The following RAP1GAP2 variants were observed in gnomAD, a reference collection of about 807,000 sequenced individuals.
RAP1GAP2 encodes RAP1 GTPase activating protein 2.
A neutral mutation model predicts 95.0 loss-of-function variants in RAP1GAP2; 27 were observed. That is an observed-to-expected ratio of 0.28 (90% CI 0.21 to 0.39). The LOEUF (loss-of-function observed/expected upper bound fraction) is 0.39. RAP1GAP2 is among the 10% of genes least tolerant of loss of function. RAP1GAP2 has a pLI of 1.00. For missense variants in RAP1GAP2, 771 were observed against 970.0 expected (o/e 0.79, Z 2.72); for synonymous variants, 373 against 380.9 (o/e 0.98, Z 0.24).
chr17:3,021,371 A>C (rs1319281389), intron 19 of RAP1GAP2, among the ~76,000 whole-genome samples: 1 of 135,224 alleles, frequency 7.4e-6, no homozygotes, highest in African/African-American at 2.8e-5. Flanking sequence ...TCAACTTTCT[A>C]TCTCCACGAG....
intron 3 of RAP1GAP2, among the ~76,000 whole-genome samples, chr17:2,946,158 A>G (rs767016487): frequency 6.6e-6 from 1 of 152,216 alleles, no homozygotes; most frequent in Non-Finnish European, 1.5e-5. Context: ...TGGTCATGGA[A>G]TATAACAGTA....
Position 3,004,258 on chromosome 17 carries a change from G to T in RAP1GAP2, c.1201-1111G>T, listed in dbSNP as rs578159325. ...TTCCTGACTCGGGGCACTGCAGTTT[G>T]GGCTGGGCAGACAGCCTGGAGCTTG... On this transcript the variant is annotated intron_variant, in intron 14 of 24. Transcript: ENST00000254695. The surrounding 1 kb of genome is among the most constrained non-coding windows in gnomAD (Gnocchi z 4.1). Among the ~76,000 whole-genome samples, 2 of 152,362 alleles carry T rather than the reference G, an allele frequency of 1.3e-5. No homozygotes were observed. Among genetic ancestry groups the T allele is most frequent in the African/African-American group, 4.8e-5 (2 of 41,598 alleles).
intron 2 of RAP1GAP2, among the ~76,000 whole-genome samples, chr17:2,853,490 G>C (rs1390154060): frequency 2.0e-5 from 3 of 151,144 alleles, no homozygotes; most frequent in Non-Finnish European, 3.0e-5. Context: ...GCGGGAGTGC[G>C]GGCGGGGACC....
At chr17:2,953,915 C>A (rs1411904257) in intron 3 of RAP1GAP2, among the ~76,000 whole-genome samples, 1 of 152,172 alleles carries the variant, frequency 6.6e-6, no homozygotes, top group East Asian at 1.9e-4. Flanking sequence ...AGCTGTGTAA[C>A]CACCATCATA....
chr17:2,782,226 G>A (rs976313270), intron 1 of RAP1GAP2, among the ~76,000 whole-genome samples: 1 of 152,180 alleles, frequency 6.6e-6, no homozygotes, highest in African/African-American at 2.4e-5. Context: ...CTGTGTGGGC[G>A]TCCACTGCCT....
At position 2,917,173 on chromosome 17, in the gene RAP1GAP2, GTTC is replaced by G. The variant is rs374666097; in HGVS notation, c.165+11811_165+11813del. On this transcript the variant is annotated intron_variant, in intron 3 of 24. Coordinates refer to ENST00000254695, the MANE Select transcript of RAP1GAP2 (RefSeq NM_015085.5). Reference sequence around the variant, plus strand: ...CGACCTGGTCCTGGACCCCTCTGAGGTTCTTCTTAAGAAGTTGAAGCAATAGAG... The same window carrying G: ...CGACCTGGTCCTGGACCCCTCTGAGGTTCTTAAGAAGTTGAAGCAATAGAG... Among the ~76,000 whole-genome samples, 807 of 152,316 alleles carry G rather than the reference GTTC, an allele frequency of 5.3e-3. 5 individuals are homozygous for G. The highest frequency in any genetic ancestry group is 7.5e-3 in the Non-Finnish European group (508 of 68,034).
At chr17:2,784,474 T>C (rs2151453009) in intron 1 of RAP1GAP2, among the ~76,000 whole-genome samples, 1 of 152,124 alleles carries the variant, frequency 6.6e-6, no homozygotes, top group African/African-American at 2.4e-5. Context: ...TCTTGCCATG[T>C]TAGCCAGGCT....
rs34075979 is a variant in RAP1GAP2, at chr17:2,990,845, C to CT, written c.814-435dup. ...TTTAGAGTTTTCAGAGTTCTTTATT[C>CT]TTTTTTTTTTTTTTTTTGAGACGGG... On this transcript the variant is annotated intron_variant, in intron 11 of 24. Transcript: ENST00000254695. Among the ~76,000 whole-genome samples, 328 of 128,730 alleles carry CT rather than the reference C, an allele frequency of 2.5e-3. 1 individual carries two copies. Among genetic ancestry groups the CT allele is most frequent in the South Asian group, 0.013 (48 of 3,818 alleles). The allele number at this position is 128,730 out of a possible 152,430, so 84.5% of individuals were successfully genotyped here.
At chr17:2,875,598 T>C (rs916603919) in intron 2 of RAP1GAP2, among the ~76,000 whole-genome samples, 31 of 152,174 alleles carry the variant, frequency 2.0e-4, no homozygotes, top group Admixed American at 3.9e-4. Flanking sequence ...GGGACCGCTG[T>C]TGCTTTTCAG....
intron 2 of RAP1GAP2, among the ~76,000 whole-genome samples, chr17:2,821,270 T>C (rs193187020): frequency 1.7e-4 from 26 of 152,138 alleles, no homozygotes; most frequent in African/African-American, 5.8e-4. Flanking sequence ...AAATAGTACA[T>C]GCTCACTGTA....
chr17:2,794,629 C>T (rs1435051945), upstream of RAP1GAP2, among the ~76,000 whole-genome samples: 1 of 152,218 alleles, frequency 6.6e-6, no homozygotes, highest in African/African-American at 2.4e-5. Context: ...TGCTCTGGCC[C>T]AGGACCCTGA....
In RAP1GAP2 at chr17:2,817,090, C is replaced by T. The variant is rs1335230127; in HGVS notation, c.80+16540C>T. ...GCAGCCTCCACTTCCCAGGCTCAAG[C>T]GTTTCTCGTGCCTCAGCCTCCTATG... On this transcript the variant is annotated intron_variant, in intron 2 of 24. Transcript: ENST00000254695. 3.6e-5 allele frequency among the ~76,000 whole-genome samples: 4 copies of T among 109,660 alleles called. 1 individual carries two copies. Among genetic ancestry groups the T allele is most frequent in the South Asian group, 2.9e-4 (1 of 3,460 alleles). 71.9% of individuals were successfully genotyped at this position (109,660 alleles called of 152,430 possible). A position where few individuals can be genotyped will look rare whatever the true frequency, so the allele number is the denominator to read the frequency against.
chr17:2,814,652 G>C (rs1376076071), intron 2 of RAP1GAP2, among the ~76,000 whole-genome samples: 1 of 152,078 alleles, frequency 6.6e-6, no homozygotes, highest in African/African-American at 2.4e-5. Flanking sequence ...CTGTCTCACT[G>C]TTTGTTACCC....
chr17:2,864,997 C>G (rs1311978879), intron 2 of RAP1GAP2, among the ~76,000 whole-genome samples: 1 of 152,202 alleles, frequency 6.6e-6, no homozygotes, highest in Non-Finnish European at 1.5e-5. Flanking sequence ...CTCTGCATGA[C>G]ACTGATGATC....
rs184924497 is a variant in RAP1GAP2, at chr17:2,867,120, C to T, written c.81-38164C>T. ...TTCACCATGTTGGCCAGGCTGGTCT[C>T]GAACTCCTGGTGTCGTGATTCCCCT... On this transcript the variant is annotated intron_variant, in intron 2 of 24. Coordinates refer to ENST00000254695, the MANE Select transcript of RAP1GAP2 (RefSeq NM_015085.5). This position sits in a 1 kb window ranked among gnomAD's most constrained non-coding sequence, Gnocchi z 4.5. 1.0e-3 allele frequency among the ~76,000 whole-genome samples: 159 copies of T among 151,644 alleles called. 1 individual carries two copies. The highest frequency in any genetic ancestry group is 4.4e-4 in the Non-Finnish European group (30 of 67,908).
Position 2,846,655 on chromosome 17 carries a change from C to T in RAP1GAP2, c.80+46105C>T, listed in dbSNP as rs115227036. 6.6e-3 allele frequency among the ~76,000 whole-genome samples: 995 copies of T among 151,884 alleles called. 9 individuals carry two copies. Among genetic ancestry groups the T allele is most frequent in the African/African-American group, 0.023 (960 of 41,400 alleles). ...GTAGAGCATGCATGTTCACTGAATC[C>T]TTGCAGTAGCTAATAGGTTGGCACT... On this transcript the variant is annotated intron_variant, in intron 2 of 24. Coordinates refer to ENST00000254695, the MANE Select transcript of RAP1GAP2 (RefSeq NM_015085.5).
intron 3 of RAP1GAP2, among the ~76,000 whole-genome samples, chr17:2,952,729 T>G (rs73296633): frequency 0.012 from 1,787 of 152,168 alleles, 32 homozygotes; most frequent in African/African-American, 0.041. Context: ...ACTAGAGAGG[T>G]TGGGTTTGTT....
chr17:2,780,343 C>T (rs2068615954), intron 1 of RAP1GAP2, among the ~76,000 whole-genome samples: 1 of 152,232 alleles, frequency 6.6e-6, no homozygotes, highest in African/African-American at 2.4e-5. Flanking sequence ...GAGCCGCCGC[C>T]TCTGGCAAAA....
upstream of RAP1GAP2, among the ~76,000 whole-genome samples, chr17:2,772,567 T>C (rs1428749746): frequency 3.3e-5 from 5 of 152,136 alleles, no homozygotes; most frequent in Admixed American, 1.3e-4. Context: ...GGTGCTGAGA[T>C]GACAGACGTG....
Sources: gnomAD v4.1 joint callset for allele counts (sites outside exome capture counted in the v4.1 genomes callset) on GRCh38, gnomAD v4.1.1 for gene constraint, Gnocchi (gnomAD v3.1) non-coding constraint, MANE v1.5 for transcripts, NCBI Gene and HGNC (gene_info 2026-07-23, HGNC 2026-07-21) for gene names.